The following PPP6R2 variants were observed in gnomAD, a reference collection of about 807,000 sequenced individuals.
PPP6R2 encodes serine/threonine-protein phosphatase 6 regulatory subunit 2.
In PPP6R2, 62 loss-of-function variants were observed where a neutral mutation model predicts 100.2. That is an observed-to-expected ratio of 0.62 (90% CI 0.50 to 0.76). The LOEUF is 0.76. PPP6R2 is among the 30% of genes least tolerant of loss of function. PPP6R2 has a pLI of 0.00. For synonymous variants in PPP6R2, 525 were observed against 514.7 expected (o/e 1.02, Z -0.27); for missense variants, 1,142 against 1,276.3 (o/e 0.89, Z 1.60).
At chr22:50,377,146 A>G (rs1364924331) in intron 2 of PPP6R2, among the ~76,000 whole-genome samples, 2 of 152,238 alleles carry the variant, frequency 1.3e-5, no homozygotes, top group African/African-American at 4.8e-5. Flanking sequence ...GAAATAAAGA[A>G]TAAAATATTC....
chr22:50,425,798 G>T (rs1443916243), intron 10 of PPP6R2, among the ~76,000 whole-genome samples: 1 of 151,792 alleles, frequency 6.6e-6, no homozygotes, highest in Non-Finnish European at 1.5e-5. Flanking sequence ...GCATCTTCTC[G>T]TGCTTTTTGG....
At chr22:50,360,252 C>T (rs992660160) in intron 1 of PPP6R2, among the ~76,000 whole-genome samples, 11 of 151,908 alleles carry the variant, frequency 7.2e-5, no homozygotes, top group East Asian at 1.9e-4. Flanking sequence ...GGGGCTTCAC[C>T]GTGTTGGCCA....
chr22:50,352,886 G>A (rs1488603507), intron 1 of PPP6R2, among the ~76,000 whole-genome samples: 1 of 151,944 alleles, frequency 6.6e-6, no homozygotes, highest in African/African-American at 2.4e-5. Flanking sequence ...GAGTAATACA[G>A]TGAAACCTCA....
the PPP6R2 span, among the ~76,000 whole-genome samples, chr22:50,336,145 C>T: frequency 1.3e-5 from 2 of 151,706 alleles, no homozygotes; most frequent in Admixed American, 1.3e-4. Flanking sequence ...CCACCATGCC[C>T]GGCTAATTTT....
chr22:50,360,943 G>A (rs1290414738), intron 1 of PPP6R2, among the ~76,000 whole-genome samples: 1 of 152,188 alleles, frequency 6.6e-6, no homozygotes, highest in South Asian at 2.1e-4. Context: ...ACTGACTGAT[G>A]CCCAGTGTCC....
upstream of PPP6R2, among the ~76,000 whole-genome samples, chr22:50,338,408 GTATGT>G (rs1569218257): frequency 1.4e-5 from 2 of 139,498 alleles, no homozygotes; most frequent in Admixed American, 7.1e-5. Flanking sequence ...GGTGTGTGTG[GTATGT>G]GTGTGTAGGG....
chr22:50,372,547 TCAAAACAAAACAAAA>T (rs775994538), intron 2 of PPP6R2, among the ~76,000 whole-genome samples: 1 of 151,984 alleles, frequency 6.6e-6, no homozygotes, highest in African/African-American at 2.4e-5. Context: ...AGACTCTGTT[TCAAAACAAAACAAAA>T]CAAAACAAAA....
At chr22:50,358,208 A>T (rs1293028489) in intron 1 of PPP6R2, among the ~76,000 whole-genome samples, 1 of 152,140 alleles carries the variant, frequency 6.6e-6, no homozygotes, top group East Asian at 1.9e-4. Flanking sequence ...CTCCACCTTT[A>T]GCCTCCTGAG....
Position 50,440,834 on chromosome 22 carries a change from C to T in PPP6R2, c.2387C>T (p.Ser796Phe). The T allele has an allele frequency of 6.2e-7, 1 of 1,613,556 alleles. No individual in the cohort carries two copies. The highest frequency in any genetic ancestry group is 8.5e-7 in the Non-Finnish European group (1 of 1,180,008). Residue 796 changes from serine to phenylalanine, a missense_variant, in exon 22 of 24, where the codon TCT (serine) becomes TTT (phenylalanine). Ser to Phe is a radical substitution (Grantham distance 155, BLOSUM62 -2). Coordinates refer to ENST00000612753, the MANE Select transcript of PPP6R2 (RefSeq NM_001242898.2). ...QGPEKAFSPA[S>F]PCAWNVCVTR... ...TCCTACTTTGCAGTCAGCCCGGCTT[C>T]TCCATGTGCCTGGAACGTGTGTGTC...
intron 1 of PPP6R2, among the ~76,000 whole-genome samples, chr22:50,347,569 A>G (rs1339100164): frequency 6.6e-6 from 1 of 150,726 alleles, no homozygotes; most frequent in Admixed American, 6.6e-5. Context: ...CAGCTTCCCT[A>G]CCTGCTTTGT....
intron 14 of PPP6R2, among the ~76,000 whole-genome samples, chr22:50,436,685 G>C (rs2064355755): frequency 6.6e-6 from 1 of 152,196 alleles, no homozygotes; most frequent in African/African-American, 2.4e-5. Flanking sequence ...TCTGTGCAGA[G>C]CCGGTGTTGG....
the PPP6R2 span, among the ~76,000 whole-genome samples, chr22:50,336,209 C>T: frequency 1.3e-5 from 2 of 151,878 alleles, no homozygotes; most frequent in East Asian, 1.9e-4. Context: ...AGGATGGTCT[C>T]GATCTCCTGA....
Position 50,435,039 on chromosome 22 carries a change from G to T in PPP6R2, c.1474G>T (p.Glu492Ter). Residue 492 changes from glutamate (E) to a stop codon, truncating the protein, a stop_gained, in exon 13 of 24, where the codon GAG (glutamate) becomes TAG (stop). Coordinates refer to ENST00000612753, the MANE Select transcript of PPP6R2 (RefSeq NM_001242898.2). LOFTEE classifies it high-confidence loss of function. ...RIANAVVQNL[E>*]RGPVQTHISE... ...CGCCAACGCGGTGGTGCAGAACCTG[G>T]AGCGGGGCCCTGTGCAGACGCACAT... 6.3e-7 allele frequency: 1 copy of T among 1,599,222 alleles called. No homozygotes were observed. The highest frequency in any genetic ancestry group is 8.5e-7 in the Non-Finnish European group (1 of 1,172,346).
chr22:50,385,577 G>A (rs2054053372), intron 2 of PPP6R2, among the ~76,000 whole-genome samples: 1 of 147,164 alleles, frequency 6.8e-6, no homozygotes, highest in Non-Finnish European at 1.5e-5. Flanking sequence ...GTGCAATGGC[G>A]CTATCTCGGC....
rs146965980 is a variant in PPP6R2, at chr22:50,393,914, C to G, written c.6C>G (p.Phe2Leu). ...GCAGCTCTGCGGCCGTCACGATGTT[C>G]TGGAAGTTTGACTTGAACACCACGT... M[F>L]WKFDLNTTSH... is the part of the protein sequence containing the mutation. Residue 2 changes from phenylalanine (F) to leucine (L), a missense_variant, in exon 3 of 24, where the codon TTC (phenylalanine) becomes TTG (leucine). Transcript: ENST00000612753. 6 of 1,614,194 alleles carry G rather than the reference C, an allele frequency of 3.7e-6. No individual in the cohort carries two copies. Among genetic ancestry groups the G allele is most frequent in the African/African-American group, 1.3e-5 (1 of 75,040 alleles).
intron 1 of PPP6R2, among the ~76,000 whole-genome samples, chr22:50,360,777 G>A (rs2047637021): frequency 6.6e-6 from 1 of 152,162 alleles, no homozygotes; most frequent in Admixed American, 6.6e-5. Context: ...CCAGGGAGCT[G>A]ACCTGTGCTT....
chr22:50,338,578 GGT>G (rs1260548021), upstream of PPP6R2, among the ~76,000 whole-genome samples: 4 of 134,626 alleles, frequency 3.0e-5, no homozygotes, highest in Admixed American at 7.6e-5. Context: ...TGTTTGGTGT[GGT>G]GTGTGTTTGT....
chr22:50,380,465 A>AT (rs908823429), intron 2 of PPP6R2, among the ~76,000 whole-genome samples: 3 of 151,106 alleles, frequency 2.0e-5, no homozygotes, highest in East Asian at 2.0e-4. Flanking sequence ...GATTCAAGTG[A>AT]TTCTCCTGCT....
At chr22:50,360,468 C>A (rs2047568451) in intron 1 of PPP6R2, among the ~76,000 whole-genome samples, 1 of 151,064 alleles carries the variant, frequency 6.6e-6, no homozygotes, top group Non-Finnish European at 1.5e-5. Context: ...GCATAAGAGA[C>A]CCTCCTGCCT....
Sources: gnomAD v4.1 joint callset for allele counts (sites outside exome capture counted in the v4.1 genomes callset) on GRCh38, gnomAD v4.1.1 for gene constraint, MANE v1.5 for transcripts, NCBI Gene and HGNC (gene_info 2026-07-23, HGNC 2026-07-21) for gene names.